Variants in PABPC4L observed in about 807,000 individuals in gnomAD.
The protein encoded by PABPC4L is poly(A) binding protein cytoplasmic 4 like, also known as polyadenylate-binding protein 4-like.
For synonymous variants in PABPC4L, 169 were observed against 164.1 expected (o/e 1.03, Z -0.23); for missense variants, 452 against 451.4 (o/e 1.00, Z -0.01).
At chr4:133,994,083 A>G in the PABPC4L span, among the ~76,000 whole-genome samples, 1 of 152,142 alleles carries the variant, frequency 6.6e-6, no homozygotes, top group African/African-American at 2.4e-5. Flanking sequence ...TTGAGGAATC[A>G]CTGTGGGGAA....
At chr4:134,159,681 C>G in the PABPC4L span, among the ~76,000 whole-genome samples, 5 of 152,080 alleles carry the variant, frequency 3.3e-5, no homozygotes, top group Non-Finnish European at 7.4e-5. Flanking sequence ...GCCAGGGGCC[C>G]CAAATAAATT....
chr4:134,037,517 C>T, the PABPC4L span, among the ~76,000 whole-genome samples: 1 of 152,016 alleles, frequency 6.6e-6, no homozygotes, highest in African/African-American at 2.4e-5. Flanking sequence ...AAACAAATCT[C>T]TGAAATAGAT....
the PABPC4L span, among the ~76,000 whole-genome samples, chr4:134,077,556 A>C: frequency 1.3e-5 from 2 of 152,104 alleles, no homozygotes; most frequent in African/African-American, 4.8e-5. Context: ...ATCCTTTTGG[A>C]GTAAGTAGGT....
At position 134,201,111 on chromosome 4, in the gene PABPC4L, A is replaced by G; in HGVS notation, c.-92T>C. ...TAGGTCACAGCTTTGGCCCGGTTCA[A>G]GTGTGGAGGCCTCGGGATCACCACA... On this transcript the variant is annotated 5_prime_UTR_variant, in exon 2 of 2. Transcript: ENST00000421491. 1 of 1,550,554 alleles carries G rather than the reference A, an allele frequency of 6.4e-7. No individual in the cohort carries two copies. Among genetic ancestry groups the G allele is most frequent in the South Asian group, 1.2e-5 (1 of 83,416 alleles).
chr4:134,173,776 G>C, the PABPC4L span, among the ~76,000 whole-genome samples: 1 of 152,030 alleles, frequency 6.6e-6, no homozygotes, highest in Admixed American at 6.6e-5. Context: ...CAATTACCCT[G>C]ATCTGAACAT....
the PABPC4L span, among the ~76,000 whole-genome samples, chr4:134,006,205 A>G: frequency 1.3e-5 from 2 of 151,886 alleles, no homozygotes; most frequent in East Asian, 1.9e-4. Context: ...TGGGCTAATT[A>G]TAAGAATTTA....
chr4:134,067,770 T>C, the PABPC4L span, among the ~76,000 whole-genome samples: 1 of 152,284 alleles, frequency 6.6e-6, no homozygotes, highest in Non-Finnish European at 1.5e-5. Flanking sequence ...TCTGCCTTAA[T>C]TTTATTGTTT....
chr4:134,136,110 C>G, the PABPC4L span, among the ~76,000 whole-genome samples: 4 of 152,060 alleles, frequency 2.6e-5, no homozygotes, highest in Non-Finnish European at 5.9e-5. Context: ...AGTATAGATT[C>G]AAACCTTACC....
At chr4:134,179,756 C>T in the PABPC4L span, among the ~76,000 whole-genome samples, 5 of 151,724 alleles carry the variant, frequency 3.3e-5, no homozygotes, top group African/African-American at 1.2e-4. Context: ...TTTAAAGATA[C>T]TTTAAATCAA....
the PABPC4L span, among the ~76,000 whole-genome samples, chr4:134,031,905 C>T: frequency 6.6e-6 from 1 of 151,796 alleles, no homozygotes; most frequent in Non-Finnish European, 1.5e-5. Flanking sequence ...TGTAATAAAT[C>T]TATACCTAAT....
the PABPC4L span, among the ~76,000 whole-genome samples, chr4:134,068,423 G>C: frequency 7.8e-3 from 1,187 of 152,218 alleles, 15 homozygotes; most frequent in African/African-American, 0.027. Context: ...CGTTGCATGG[G>C]AAACAGGTCT....
chr4:134,172,089 T>A, the PABPC4L span, among the ~76,000 whole-genome samples: 1 of 152,086 alleles, frequency 6.6e-6, no homozygotes. Flanking sequence ...AATGGCCATA[T>A]TACCCAAAGT....
At chr4:133,993,027 A>G in the PABPC4L span, among the ~76,000 whole-genome samples, 2 of 152,136 alleles carry the variant, frequency 1.3e-5, no homozygotes, top group South Asian at 2.1e-4. Flanking sequence ...GAACATAAGC[A>G]TATCCTCTTT....
At chr4:134,117,312 T>A in the PABPC4L span, among the ~76,000 whole-genome samples, 1 of 151,900 alleles carries the variant, frequency 6.6e-6, no homozygotes, top group East Asian at 1.9e-4. Flanking sequence ...TCTGGAACAT[T>A]CACTTTTAGA....
At chr4:134,040,642 A>G in the PABPC4L span, among the ~76,000 whole-genome samples, 3 of 152,182 alleles carry the variant, frequency 2.0e-5, no homozygotes, top group African/African-American at 4.8e-5. Context: ...AACCTAGGCA[A>G]TACCATTCAG....
the PABPC4L span, among the ~76,000 whole-genome samples, chr4:134,128,743 A>G: frequency 1.3e-5 from 2 of 152,128 alleles, no homozygotes; most frequent in African/African-American, 2.4e-5. Flanking sequence ...AAAAATAAAA[A>G]TAAAGAAATA....
At chr4:133,973,447 T>C in the PABPC4L span, among the ~76,000 whole-genome samples, 1 of 152,140 alleles carries the variant, frequency 6.6e-6, no homozygotes, top group Non-Finnish European at 1.5e-5. Context: ...GAAGGAAGAC[T>C]TATCCAATAA....
chr4:134,170,032 C>A, the PABPC4L span, among the ~76,000 whole-genome samples: 1 of 152,034 alleles, frequency 6.6e-6, no homozygotes, highest in Non-Finnish European at 1.5e-5. Context: ...TTTCTTTCTC[C>A]TTCCACACTC....
the PABPC4L span, among the ~76,000 whole-genome samples, chr4:134,183,624 C>A: frequency 6.6e-6 from 1 of 151,542 alleles, no homozygotes; most frequent in Non-Finnish European, 1.5e-5. Context: ...CAAATGTACA[C>A]CAAAACTTAA....
Sources: allele counts gnomAD v4.1 joint callset (sites outside exome capture counted in the v4.1 genomes callset), GRCh38; gene constraint gnomAD v4.1.1; transcripts MANE v1.5; gene names NCBI Gene and HGNC (gene_info 2026-07-23, HGNC 2026-07-21).